The following XKR4 variants were observed in gnomAD, a reference collection of about 807,000 sequenced individuals.
The protein encoded by XKR4 is XK related 4, also known as XK-related protein 4.
A neutral mutation model predicts 53.9 loss-of-function variants in XKR4; 12 were observed. The ratio of observed to expected loss-of-function variants is 0.22; its 90% CI spans 0.14 to 0.36. The LOEUF (loss-of-function observed/expected upper bound fraction) is 0.36, where lower values mean the gene tolerates loss of function less well. Among genes scored for constraint, XKR4 ranks in the 10% least tolerant of loss-of-function variants. The probability of loss-of-function intolerance (pLI) is 1.00; values close to 1 mark genes in which losing one functional copy is unlikely to be tolerated. For synonymous variants in XKR4, 354 were observed against 362.4 expected (o/e 0.98, Z 0.26); for missense variants, 799 against 859.5 (o/e 0.93, Z 0.88).
At chr8:55,338,214 T>G (rs947090027) in intron 1 of XKR4, among the ~76,000 whole-genome samples, 1 of 152,240 alleles carries the variant, frequency 6.6e-6, no homozygotes, top group Non-Finnish European at 1.5e-5. Flanking sequence ...TTTGCATCTT[T>G]TATTTGGGCA....
intron 1 of XKR4, among the ~76,000 whole-genome samples, chr8:55,311,839 AAAAAAAAAAAAAG>A (rs1370798005): frequency 2.0e-5 from 3 of 150,068 alleles, no homozygotes; most frequent in African/African-American, 7.3e-5. Flanking sequence ...CAAAAAAAAA[AAAAAAAAAAAAAG>A]AAAAGAAAAA....
intron 2 of XKR4, chr8:55,450,777 G>T: frequency 1.8e-6 from 1 of 542,466 alleles, no homozygotes. Flanking sequence ...AGTAGAAGGG[G>T]TCTGAGAACA....
chr8:55,203,687 C>T lies in XKR4; in HGVS notation c.806+100393C>T, dbSNP rs554496141. On this transcript the variant is annotated intron_variant, in intron 1 of 2. Transcript: ENST00000327381. ...TCCAGGCCATACTCAGACAAGTTAA[C>T]TCACAGGCTTTGGTAATGGGGTCCC... is the stretch of plus-strand genomic sequence containing the variant. 1.2e-4 allele frequency among the ~76,000 whole-genome samples: 19 copies of T among 152,294 alleles called. No individual in the cohort carries two copies. The South Asian group carries it at 3.9e-3, about 32-fold the overall frequency.
intron 2 of XKR4, among the ~76,000 whole-genome samples, chr8:55,506,547 C>T (rs1193611262): frequency 6.6e-6 from 1 of 152,194 alleles, no homozygotes; most frequent in Non-Finnish European, 1.5e-5. Context: ...CACCTTGCAC[C>T]ATCTTTGTTT....
rs144402569 is a variant in XKR4 at position 55,162,327 on chromosome 8, G to A, written c.806+59033G>A. Among the ~76,000 whole-genome samples the A allele has an allele frequency of 2.1e-3, 319 of 152,288 alleles. 1 individual carries two copies. Among genetic ancestry groups the A allele is most frequent in the African/African-American group, 7.2e-3 (298 of 41,566 alleles). ...CTGTCCAGCACTGTGCAGAGTAGCA[G>A]CAATAAGCGTCTTTTAAAATAAGTG... On this transcript the variant is annotated intron_variant, in intron 1 of 2. Coordinates refer to ENST00000327381, the MANE Select transcript of XKR4 (RefSeq NM_052898.2).
At chr8:55,116,184 G>A (rs1261375709) in intron 1 of XKR4, among the ~76,000 whole-genome samples, 11 of 151,996 alleles carry the variant, frequency 7.2e-5, no homozygotes, top group Non-Finnish European at 5.9e-5. Context: ...AGTGGAGAGC[G>A]AGGCTGGGTT....
chr8:55,526,097 T>C lies in XKR4; in HGVS notation c.*1870T>C, dbSNP rs1806878186. 6.6e-6 allele frequency: 1 copy of C among 152,666 alleles called. No homozygotes were observed. Among genetic ancestry groups the C allele is most frequent in the South Asian group, 2.1e-4 (1 of 4,826 alleles). 9.5% of individuals were successfully genotyped at this position (152,666 alleles called of 1,614,324 possible). A position where few individuals can be genotyped will look rare whatever the true frequency, so the allele number is the denominator to read the frequency against. ...ACAGTGGAAGCTGTCTTAAACTTCCTTCCCTGGTTTTATATTAACCCAACT... is the reference window on the plus strand; with the variant it reads ...ACAGTGGAAGCTGTCTTAAACTTCCCTCCCTGGTTTTATATTAACCCAACT... On this transcript the variant is annotated 3_prime_UTR_variant, in exon 3 of 3. Transcript: ENST00000327381.
intron 2 of XKR4, chr8:55,454,313 A>T (rs1032282990): frequency 2.0e-6 from 3 of 1,480,064 alleles, no homozygotes; most frequent in Non-Finnish European, 2.8e-6. Context: ...GACCCCGATT[A>T]TGAAGGGCGT....
At chr8:55,388,177 A>G (rs528219869) in intron 2 of XKR4, among the ~76,000 whole-genome samples, 31 of 152,288 alleles carry the variant, frequency 2.0e-4, no homozygotes, top group African/African-American at 7.2e-4. Flanking sequence ...CTAAACATTT[A>G]CCTTCTTTTC....
chr8:55,357,225 G>T (rs1803809169), intron 1 of XKR4, among the ~76,000 whole-genome samples: 1 of 152,110 alleles, frequency 6.6e-6, no homozygotes, highest in Admixed American at 6.6e-5. Flanking sequence ...TTGGGAATTT[G>T]CAATAATAAA....
At chr8:55,376,573 G>A (rs1414055197) in intron 2 of XKR4, among the ~76,000 whole-genome samples, 2 of 151,954 alleles carry the variant, frequency 1.3e-5, no homozygotes, top group African/African-American at 4.8e-5. Context: ...TAATGGGGTT[G>A]TTTGTTTTTT....
At chr8:55,461,165 C>T (rs1417780787) in intron 2 of XKR4, among the ~76,000 whole-genome samples, 7 of 152,260 alleles carry the variant, frequency 4.6e-5, no homozygotes, top group Admixed American at 1.3e-4. Flanking sequence ...TGAGAACGGG[C>T]AGCCTGCCTC....
intron 1 of XKR4, among the ~76,000 whole-genome samples, chr8:55,163,204 T>C (rs909668150): frequency 6.6e-6 from 1 of 152,240 alleles, no homozygotes; most frequent in Non-Finnish European, 1.5e-5. Context: ...CTTAAGCCTC[T>C]GATCTCTGTT....
chr8:55,118,356 T>C (rs1816338339), intron 1 of XKR4, among the ~76,000 whole-genome samples: 1 of 152,246 alleles, frequency 6.6e-6, no homozygotes, highest in African/African-American at 2.4e-5. Context: ...TTGCATATAC[T>C]AGCAGCATTC....
chr8:55,522,167 A>G (rs1806806459), intron 2 of XKR4, among the ~76,000 whole-genome samples: 1 of 152,258 alleles, frequency 6.6e-6, no homozygotes, highest in Non-Finnish European at 1.5e-5. Flanking sequence ...GAACTGTGCC[A>G]TACAGGAGGT....
chr8:55,121,087 T>G (rs1475264650), intron 1 of XKR4, among the ~76,000 whole-genome samples: 1 of 152,244 alleles, frequency 6.6e-6, no homozygotes, highest in East Asian at 1.9e-4. Flanking sequence ...GTTGTCTGGA[T>G]GTACTACAGT....
At chr8:55,208,033 TG>T (rs1198288433) in intron 1 of XKR4, among the ~76,000 whole-genome samples, 1 of 152,210 alleles carries the variant, frequency 6.6e-6, no homozygotes, top group Non-Finnish European at 1.5e-5. Flanking sequence ...TGGTCTAATG[TG>T]GGATGTTTTT....
chr8:55,344,772 G>A (rs1400565709), intron 1 of XKR4, among the ~76,000 whole-genome samples: 4 of 152,128 alleles, frequency 2.6e-5, no homozygotes, highest in African/African-American at 7.2e-5. Context: ...TTGCCCAAGA[G>A]GCCCTGGCCA....
chr8:55,451,683 CG>C, intron 2 of XKR4: 2 of 1,492,218 alleles, frequency 1.3e-6, no homozygotes, highest in Non-Finnish European at 1.8e-6. Flanking sequence ...TCAGCAGCCC[CG>C]GGTACCTGCG....
Sources: gnomAD v4.1 joint callset for allele counts (sites outside exome capture counted in the v4.1 genomes callset) on GRCh38, gnomAD v4.1.1 for gene constraint, MANE v1.5 for transcripts, NCBI Gene and HGNC (gene_info 2026-07-23, HGNC 2026-07-21) for gene names.